The following MYH7B variants were observed in gnomAD, a reference collection of about 807,000 sequenced individuals.
MYH7B encodes the protein myosin-7B.
A neutral mutation model predicts 234.5 loss-of-function variants in MYH7B; 205 were observed. The observed-to-expected ratio is 0.87, with a 90% CI of 0.78 to 0.98. The LOEUF is 0.98. Among genes scored for constraint, MYH7B ranks in the 50% least tolerant of loss-of-function variants. The probability of loss-of-function intolerance (pLI) is 0.00; values close to 1 mark genes in which losing one functional copy is unlikely to be tolerated. For synonymous variants in MYH7B, 1,193 were observed against 1,105.0 expected (o/e 1.08, Z -1.58); for missense variants, 2,652 against 2,633.4 (o/e 1.01, Z -0.15).
intron 9 of MYH7B, chr20:34,981,261 G>C (rs1569036444): frequency 1.7e-6 from 1 of 576,448 alleles, no homozygotes; most frequent in Non-Finnish European, 2.9e-6. Context: ...TTCTTGATGG[G>C]GGATAGGGAG....
chr20:34,997,454 G>A (rs1399686477), exon 32 of MYH7B: 2 of 1,490,882 alleles, frequency 1.3e-6, no homozygotes, highest in South Asian at 2.6e-5. Flanking sequence ...AGCTGGAGGA[G>A]GCGGCGCTGC....
At chr20:34,991,275 G>C (rs1242801312) in intron 24 of MYH7B, among the ~76,000 whole-genome samples, 154 bp downstream of exon 24, 1 of 152,220 alleles carries the variant, frequency 6.6e-6, no homozygotes, top group Non-Finnish European at 1.5e-5. Context: ...AGACATGGGG[G>C]TGGCTCAGAC....
chr20:34,975,471 T>C, exon 3 of MYH7B: 1 of 711,062 alleles, frequency 1.4e-6, no homozygotes. Flanking sequence ...CGCCTGGGCC[T>C]CCCAAAGTGC....
At chr20:34,990,644 G>T (rs921248471) in intron 22 of MYH7B, 94 bp from the exon 23 acceptor site, 1 of 1,167,530 alleles carries the variant, frequency 8.6e-7, no homozygotes, top group Admixed American at 1.8e-5. Context: ...AGGGCACTTA[G>T]GGCCCTGCTC....
At chr20:34,964,839 C>A (rs17401737) in intron 2 of MYH7B, among the ~76,000 whole-genome samples, 12,282 of 152,144 alleles carry the variant, frequency 0.081, 580 homozygotes, top group South Asian at 0.13. Context: ...TAGGAATGAC[C>A]CTTTTTCTGG....
rs1362945607 is a variant in MYH7B at position 34,975,503 on chromosome 20, CT to C, written c.-122+5del. On this transcript the variant is annotated splice_donor_5th_base_variant and intron_variant, in intron 3 of 44. Coordinates refer to ENST00000262873, the Ensembl canonical transcript of MYH7B. ...GTGCTGGAATTACAGACATGAGGTA[CT>C]GTGCCTGACCCAGGGTATGTTTACT... 3 of 714,294 alleles carry C rather than the reference CT, an allele frequency of 4.2e-6. No individual in the cohort carries two copies. 44.2% of individuals were successfully genotyped at this position (714,294 alleles called of 1,614,324 possible).
At chr20:34,994,928 C>T (rs2425013) in intron 27 of MYH7B, among the ~76,000 whole-genome samples, 89,632 of 152,194 alleles carry the variant, frequency 0.59, 27,362 homozygotes, top group Middle Eastern at 0.74. Flanking sequence ...GAGACTGTGA[C>T]GCAGCTGGAC....
intron 2 of MYH7B, among the ~76,000 whole-genome samples, chr20:34,959,068 C>T (rs753527309): frequency 3.3e-5 from 5 of 152,210 alleles, no homozygotes; most frequent in Admixed American, 6.5e-5. Context: ...AGGTAGAAAT[C>T]GTATCTCCAT....
exon 32 of MYH7B, chr20:34,997,536 G>A: frequency 6.2e-7 from 1 of 1,610,186 alleles, no homozygotes; most frequent in Non-Finnish European, 8.5e-7. Flanking sequence ...GGAGCAGGTG[G>A]ACAGCCTGCA....
At position 35,000,784 on chromosome 20, in the gene MYH7B, AC is replaced by A. The variant is rs757933708; in HGVS notation, c.5197del (p.Gln1733ArgfsTer12). The A allele has an allele frequency of 6.2e-6, 10 of 1,613,536 alleles. No individual in the cohort carries two copies. Among genetic ancestry groups the A allele is most frequent in the Non-Finnish European group, 8.5e-6 (10 of 1,179,734 alleles). On this transcript the variant is annotated frameshift_variant, in exon 40 of 45. Transcript: ENST00000262873. LOFTEE classifies it high-confidence loss of function. The stretch of plus-strand genomic sequence containing the variant: ...TCCCCTCAGAACACAGGCCTCCTAA[AC>A]CAGAAGAAGAAGCTGGAGGCGGACT...
At chr20:34,970,783 A>C (rs973829991) in intron 2 of MYH7B, among the ~76,000 whole-genome samples, 1 of 152,192 alleles carries the variant, frequency 6.6e-6, no homozygotes, top group African/African-American at 2.4e-5. Flanking sequence ...AAAGAGTCAG[A>C]GGCCAAGACA....
chr20:34,999,263 G>C, exon 36 of MYH7B: 1 of 1,600,794 alleles, frequency 6.2e-7, no homozygotes, highest in South Asian at 1.1e-5. Context: ...GGCGGCGGCA[G>C]GAGGAGGAGA....
exon 32 of MYH7B, chr20:34,997,472 G>A: frequency 1.3e-6 from 2 of 1,526,472 alleles, no homozygotes; most frequent in South Asian, 1.2e-5. Flanking sequence ...TGCGGCACGA[G>A]GCCACAGTGG....
chr20:34,998,829 G>C, exon 35 of MYH7B: 4 of 1,613,216 alleles, frequency 2.5e-6, no homozygotes, highest in Non-Finnish European at 3.4e-6. Flanking sequence ...AGCGGCTGCT[G>C]TCCAAGGCCA....
chr20:34,995,426 G>C, exon 28 of MYH7B: 2 of 1,613,762 alleles, frequency 1.2e-6, no homozygotes, highest in African/African-American at 2.7e-5. Flanking sequence ...GGAGCTGAGT[G>C]AGCGGCTGGA....
intron 7 of MYH7B, chr20:34,980,368 G>A: frequency 2.0e-6 from 1 of 506,042 alleles, no homozygotes; most frequent in East Asian, 3.3e-5. Flanking sequence ...GGCCAACATG[G>A]TGAAACCCCG....
chr20:34,979,035 G>A (rs563835892), intron 5 of MYH7B, among the ~76,000 whole-genome samples: 1 of 152,294 alleles, frequency 6.6e-6, no homozygotes, highest in East Asian at 1.9e-4. Context: ...CTGATATTGA[G>A]GGGCTGCTCT....
chr20:34,992,142 T>C (rs1445728648), intron 24 of MYH7B, among the ~76,000 whole-genome samples: 1 of 152,176 alleles, frequency 6.6e-6, no homozygotes, highest in Non-Finnish European at 1.5e-5. Flanking sequence ...TCCCAGCACT[T>C]TGGGAGGCCG....
At chr20:34,982,537 C>G in exon 10 of MYH7B, 1 of 1,607,592 alleles carries the variant, frequency 6.2e-7, no homozygotes, top group Non-Finnish European at 8.5e-7. Flanking sequence ...CCCTGGGAGA[C>G]GGGCCGGGCA....
Sources: gnomAD v4.1 joint callset for allele counts (sites outside exome capture counted in the v4.1 genomes callset) on GRCh38, gnomAD v4.1.1 for gene constraint, MANE v1.5 for transcripts, NCBI Gene and HGNC (gene_info 2026-07-23, HGNC 2026-07-21) for gene names.